The following RANBP2 variants were observed in gnomAD, a reference collection of about 807,000 sequenced individuals.
The protein encoded by RANBP2 is RAN binding protein 2.
In RANBP2, 57 loss-of-function variants were observed where a neutral mutation model predicts 303.6. The ratio of observed to expected loss-of-function variants is 0.19; its 90% CI spans 0.15 to 0.23. The LOEUF is 0.23. RANBP2 is among the 10% of genes least tolerant of loss of function. The pLI is 1.00. For synonymous variants in RANBP2, 1,167 were observed against 1,301.5 expected (o/e 0.90, Z 2.23); for missense variants, 3,138 against 3,780.8 (o/e 0.83, Z 4.46).
At chr2:109,461,360 G>A in the RANBP2 span, among the ~76,000 whole-genome samples, 1 of 152,238 alleles carries the variant, frequency 6.6e-6, no homozygotes, top group Non-Finnish European at 1.5e-5. Context: ...GACAGCAGAG[G>A]CTTGCTCCAA....
At chr2:109,615,314 C>G in the RANBP2 span, 2 of 1,608,314 alleles carry the variant, frequency 1.2e-6, no homozygotes, top group African/African-American at 1.3e-5. Flanking sequence ...TGCTCTCTGC[C>G]TCCGATGGCA....
In RANBP2 at chr2:108,764,217, A is replaced by T. The variant is rs1307790362; in HGVS notation, c.3678A>T (p.Thr1226=). ...ATGTAAAAATACTGAGGCATAAAACATCTGGTAAAATTCGCCTTCTAATGA... is the reference window on the plus strand; with the variant it reads ...ATGTAAAAATACTGAGGCATAAAACTTCTGGTAAAATTCGCCTTCTAATGA... ...IGNVKILRHK[T]SGKIRLLMRR... Residue 1226 remains threonine, a synonymous_variant, in exon 20 of 29, where the codon ACA becomes ACT. Coordinates refer to ENST00000283195, the MANE Select transcript of RANBP2 (RefSeq NM_006267.5). 1.2e-6 allele frequency: 2 copies of T among 1,613,982 alleles called. No individual in the cohort carries two copies. Among genetic ancestry groups the T allele is most frequent in the African/African-American group, 1.3e-5 (1 of 74,928 alleles).
chr2:109,267,514 T>C, the RANBP2 span, among the ~76,000 whole-genome samples: 45 of 152,176 alleles, frequency 3.0e-4, no homozygotes, highest in Non-Finnish European at 1.5e-5. Context: ...GTCTTTGTGC[T>C]TGCTTCTTTG....
chr2:109,635,296 C>T, the RANBP2 span, among the ~76,000 whole-genome samples: 2 of 152,156 alleles, frequency 1.3e-5, no homozygotes, highest in Non-Finnish European at 2.9e-5. Context: ...AATTCTCCTG[C>T]CTCAGCCTCC....
chr2:109,155,948 C>G, the RANBP2 span, among the ~76,000 whole-genome samples: 207 of 152,312 alleles, frequency 1.4e-3, no homozygotes, highest in African/African-American at 4.6e-3. Context: ...CTTGGCAACT[C>G]AGGATCATTC....
the RANBP2 span, among the ~76,000 whole-genome samples, chr2:109,169,883 TGGCACCTG>T: frequency 6.6e-6 from 1 of 152,150 alleles, no homozygotes; most frequent in Non-Finnish European, 1.5e-5. Context: ...TCCCTCCCAC[TGGCACCTG>T]GCATGCATGG....
the RANBP2 span, among the ~76,000 whole-genome samples, chr2:109,470,951 G>A: frequency 6.6e-6 from 1 of 152,178 alleles, no homozygotes; most frequent in Non-Finnish European, 1.5e-5. Flanking sequence ...TGGGTGCGGT[G>A]GCTCACGCCT....
At chr2:108,760,945 C>A (rs557783971) in intron 18 of RANBP2, among the ~76,000 whole-genome samples, 185 of 152,094 alleles carry the variant, frequency 1.2e-3, no homozygotes, top group African/African-American at 4.4e-3. Flanking sequence ...TTTCAAGGCT[C>A]ACTTCAAAAA....
the RANBP2 span, among the ~76,000 whole-genome samples, chr2:108,877,589 CAG>C: frequency 1.5e-5 from 1 of 65,618 alleles, no homozygotes; most frequent in Admixed American, 2.2e-4. Context: ...TCTCGGAACT[CAG>C]AGTATATAGA....
the RANBP2 span, among the ~76,000 whole-genome samples, chr2:109,588,173 A>C: frequency 6.6e-6 from 1 of 152,162 alleles, no homozygotes; most frequent in Non-Finnish European, 1.5e-5. Flanking sequence ...TGAAGGCAAA[A>C]TGAAGACAAC....
chr2:108,990,618 A>G, the RANBP2 span, among the ~76,000 whole-genome samples: 1,098 of 152,208 alleles, frequency 7.2e-3, 9 homozygotes, highest in South Asian at 0.03. Flanking sequence ...AAAAGAAAAG[A>G]AAAAAGCAGA....
At chr2:108,884,652 A>C in the RANBP2 span, 2 of 152,208 alleles carry the variant, frequency 1.3e-5, no homozygotes, top group African/African-American at 4.8e-5. Context: ...GTTTTGGCCA[A>C]GGAGCAAATG....
chr2:109,489,904 A>AT, the RANBP2 span, among the ~76,000 whole-genome samples: 3 of 152,022 alleles, frequency 2.0e-5, no homozygotes, highest in Non-Finnish European at 4.4e-5. Flanking sequence ...CACTCAGCTA[A>AT]TTTTTGTATT....
At chr2:109,694,442 T>C in the RANBP2 span, among the ~76,000 whole-genome samples, 1 of 150,692 alleles carries the variant, frequency 6.6e-6, no homozygotes, top group Admixed American at 6.6e-5. Flanking sequence ...TCTCACTCTG[T>C]CATCAGGCTG....
chr2:109,347,488 C>T, the RANBP2 span, among the ~76,000 whole-genome samples: 3 of 151,840 alleles, frequency 2.0e-5, no homozygotes, highest in Middle Eastern at 3.4e-3. Flanking sequence ...ATCTCAGTGG[C>T]GCCTCAGAAT....
the RANBP2 span, among the ~76,000 whole-genome samples, chr2:109,755,208 C>G: frequency 1.0e-3 from 130 of 124,208 alleles, 13 homozygotes; most frequent in Admixed American, 1.5e-3. Flanking sequence ...TGGGGGGGGG[C>G]CCAAGCCACT....
the RANBP2 span, chr2:108,876,555 A>G: frequency 9.5e-5 from 17 of 178,956 alleles, no homozygotes; most frequent in Non-Finnish European, 1.6e-4. Flanking sequence ...ATTATTTGGA[A>G]TAAAATTGGT....
the RANBP2 span, among the ~76,000 whole-genome samples, chr2:109,061,948 G>T: frequency 5.3e-5 from 8 of 152,210 alleles, no homozygotes; most frequent in East Asian, 1.6e-3. Context: ...TGGATGTCTT[G>T]TCCCTGAGCC....
chr2:109,539,507 G>A, the RANBP2 span, among the ~76,000 whole-genome samples: 3 of 151,474 alleles, frequency 2.0e-5, no homozygotes, highest in Non-Finnish European at 4.4e-5. Flanking sequence ...GCAGTGGCAC[G>A]ATCTTGGCTC....
Sources: allele counts gnomAD v4.1 joint callset (sites outside exome capture counted in the v4.1 genomes callset), GRCh38; gene constraint gnomAD v4.1.1; transcripts MANE v1.5; gene names NCBI Gene and HGNC (gene_info 2026-07-23, HGNC 2026-07-21).